The following RBFOX1 variants were observed in gnomAD, a reference collection of about 807,000 sequenced individuals.
RBFOX1 encodes RNA binding protein fox-1 homolog 1.
A neutral mutation model predicts 57.7 loss-of-function variants in RBFOX1; 8 were observed. The ratio of observed to expected loss-of-function variants is 0.14; its 90% confidence interval spans 0.08 to 0.25. The LOEUF is 0.25. RBFOX1 is among the 10% of genes least tolerant of loss of function. The pLI is 1.00. For missense variants in RBFOX1, 611 were observed against 548.5 expected, an observed-to-expected ratio of 1.11 and a Z score of -1.14; for synonymous variants, 326 against 222.4, an observed-to-expected ratio of 1.47 and a Z score of -4.15.
intron 4 of RBFOX1, among the ~76,000 whole-genome samples, chr16:7,305,977 G>A (rs2096174284): frequency 6.6e-6 from 1 of 152,166 alleles, no homozygotes; most frequent in Non-Finnish European, 1.5e-5. Flanking sequence ...TCCACCGGAA[G>A]AAAATTCTAA....
intron 2 of RBFOX1, among the ~76,000 whole-genome samples, chr16:5,557,734 C>A (rs1395367241): frequency 6.6e-6 from 1 of 152,158 alleles, no homozygotes; most frequent in Admixed American, 6.5e-5. Flanking sequence ...GGGTGGTACC[C>A]AGGTGGGGCA....
chr16:5,920,593 T>A (rs950649479), intron 4 of RBFOX1, among the ~76,000 whole-genome samples: 1 of 152,106 alleles, frequency 6.6e-6, no homozygotes, highest in African/African-American at 2.4e-5. Context: ...CCCAGGCAGC[T>A]CTGTACTGGG....
chr16:6,860,418 C>T (rs1278679924), intron 3 of RBFOX1, among the ~76,000 whole-genome samples: 2 of 152,182 alleles, frequency 1.3e-5, no homozygotes, highest in Non-Finnish European at 2.9e-5. Flanking sequence ...CAAAACACTA[C>T]ACGTTGGCTA....
intron 4 of RBFOX1, among the ~76,000 whole-genome samples, chr16:7,283,790 T>A (rs534387467): frequency 6.6e-6 from 1 of 152,348 alleles, no homozygotes; most frequent in East Asian, 1.9e-4. Context: ...TCAGGTTTAC[T>A]GAGGCATAAT....
intron 1 of RBFOX1, among the ~76,000 whole-genome samples, chr16:5,251,267 C>G (rs117402270): frequency 0.017 from 2,575 of 152,352 alleles, 51 homozygotes; most frequent in East Asian, 0.048. Flanking sequence ...TCAGTTTCCT[C>G]AAAAGTAAAA....
intron 3 of RBFOX1, among the ~76,000 whole-genome samples, chr16:6,724,207 C>CTTTTTTTTTTTTTTTTTTTT: frequency 7.1e-6 from 1 of 141,542 alleles, no homozygotes; most frequent in Admixed American, 7.2e-5. Context: ...AGGCATCTTC[C>CTTTTTTTTTTTTTTTTTTTT]ATTTTTTTTT....
intron 4 of RBFOX1, among the ~76,000 whole-genome samples, chr16:5,945,442 G>C (rs542654948): frequency 9.8e-5 from 15 of 152,332 alleles, no homozygotes; most frequent in African/African-American, 3.4e-4. Flanking sequence ...CTTCGCCCCA[G>C]ATCTAGAGAT....
intron 3 of RBFOX1, among the ~76,000 whole-genome samples, chr16:6,655,119 A>C (rs140250883): frequency 0.015 from 2,347 of 151,984 alleles, 66 homozygotes; most frequent in African/African-American, 0.053. Flanking sequence ...CATGCCTATA[A>C]TCCCAACACT....
intron 3 of RBFOX1, among the ~76,000 whole-genome samples, chr16:5,750,329 G>A (rs537642312): frequency 6.6e-4 from 100 of 152,328 alleles, no homozygotes; most frequent in South Asian, 5.0e-3. Flanking sequence ...CGTACTTGAG[G>A]AGGCAGACTG....
intron 4 of RBFOX1, among the ~76,000 whole-genome samples, chr16:5,917,676 C>G (rs2058738291): frequency 6.6e-6 from 1 of 152,174 alleles, no homozygotes; most frequent in Admixed American, 6.5e-5. Flanking sequence ...GTCCCCAGTC[C>G]ATGCCGCCAT....
intron 2 of RBFOX1, among the ~76,000 whole-genome samples, chr16:6,489,336 TTATA>T (rs2095577568): frequency 6.6e-6 from 1 of 152,228 alleles, no homozygotes; most frequent in African/African-American, 2.4e-5. Flanking sequence ...GTTTATTTGT[TTATA>T]TAATATTTTA....
chr16:6,576,230 C>G (rs886827118), intron 2 of RBFOX1, among the ~76,000 whole-genome samples: 2 of 152,174 alleles, frequency 1.3e-5, no homozygotes, highest in African/African-American at 2.4e-5. Flanking sequence ...GTCGTAGCAT[C>G]TCAGGGCACA....
intron 1 of RBFOX1, among the ~76,000 whole-genome samples, chr16:5,378,325 C>A (rs1455716635): frequency 6.6e-6 from 1 of 151,640 alleles, no homozygotes; most frequent in Admixed American, 6.5e-5. Context: ...CCTCTGCTGG[C>A]CACCCAGTCG....
intron 1 of RBFOX1, among the ~76,000 whole-genome samples, chr16:6,115,685 G>T (rs999117969): frequency 6.6e-6 from 1 of 152,118 alleles, no homozygotes; most frequent in African/African-American, 2.4e-5. Context: ...GTTGTGGGCC[G>T]AACAGTCTTT....
chr16:7,047,127 T>C (rs757552759), intron 3 of RBFOX1, among the ~76,000 whole-genome samples: 5 of 151,540 alleles, frequency 3.3e-5, no homozygotes, highest in Non-Finnish European at 7.4e-5. Context: ...CATTTACTCA[T>C]ATGTTTACCA....
intron 3 of RBFOX1, among the ~76,000 whole-genome samples, chr16:6,836,876 G>A (rs189659516): frequency 1.3e-5 from 2 of 152,272 alleles, no homozygotes; most frequent in Non-Finnish European, 2.9e-5. Context: ...GAACCACAGG[G>A]CCTGTATGGT....
intron 5 of RBFOX1, among the ~76,000 whole-genome samples, chr16:7,528,961 T>C (rs1290591090): frequency 1.3e-5 from 2 of 152,190 alleles, no homozygotes; most frequent in East Asian, 1.9e-4. Context: ...ACATAAGTTA[T>C]GGGTTGGAAA....
intron 1 of RBFOX1, among the ~76,000 whole-genome samples, chr16:6,240,789 G>T (rs945996135): frequency 2.0e-5 from 3 of 152,044 alleles, no homozygotes; most frequent in Non-Finnish European, 2.9e-5. Context: ...ATTCCATTTG[G>T]TCAGTCTCCA....
At chr16:7,476,134 T>C (rs757917781) in intron 4 of RBFOX1, among the ~76,000 whole-genome samples, 1 of 151,812 alleles carries the variant, frequency 6.6e-6, no homozygotes, top group Non-Finnish European at 1.5e-5. Flanking sequence ...CCCAGCAAAT[T>C]TTTGTAGTTT....
Sources: gnomAD v4.1 joint callset for allele counts (sites outside exome capture counted in the v4.1 genomes callset) on GRCh38, gnomAD v4.1.1 for gene constraint, MANE v1.5 for transcripts, NCBI Gene and HGNC (gene_info 2026-07-23, HGNC 2026-07-21) for gene names.